Variants in KANSL1L observed in about 807,000 individuals in gnomAD.
The protein encoded by KANSL1L is KAT8 regulatory NSL complex subunit 1-like protein.
KANSL1L carries 25 observed loss-of-function variants against 108.6 expected under a neutral mutation model. The observed-to-expected ratio is 0.23, with a 90% CI of 0.17 to 0.32. The LOEUF (loss-of-function observed/expected upper bound fraction) is 0.32. Among genes scored for constraint, KANSL1L ranks in the 10% least tolerant of loss-of-function variants. The pLI, the probability that KANSL1L is intolerant of heterozygous loss-of-function variation, is 1.00. For missense variants in KANSL1L, 1,137 were observed against 1,125.7 expected (o/e 1.01, Z -0.14); for synonymous variants, 405 against 395.1 (o/e 1.03, Z -0.30).
At chr2:210,105,367 G>GAA (rs60657600) in intron 3 of KANSL1L, among the ~76,000 whole-genome samples, 6 of 140,876 alleles carry the variant, frequency 4.3e-5, no homozygotes, top group African/African-American at 8.0e-5. Context: ...ATATATATTT[G>GAA]AAAAAAAATA....
chr2:210,090,780 G>C (rs2094686382), intron 5 of KANSL1L, among the ~76,000 whole-genome samples: 1 of 152,006 alleles, frequency 6.6e-6, no homozygotes, highest in Non-Finnish European at 1.5e-5. Context: ...CCATTCTCCT[G>C]CCTTAGCCTC....
At chr2:210,097,971 A>G in intron 5 of KANSL1L, 115 bp downstream of exon 5, 2 of 672,340 alleles carry the variant, frequency 3.0e-6, no homozygotes, top group Non-Finnish European at 4.8e-6. Flanking sequence ...GTACTCTAGT[A>G]GCCCCTAATG....
At chr2:210,104,081 T>G in intron 4 of KANSL1L, 23 bp downstream of exon 4, 6 of 1,564,354 alleles carry the variant, frequency 3.8e-6, no homozygotes, top group Non-Finnish European at 5.3e-6. Flanking sequence ...TTCATACCAC[T>G]GATATCCTTA....
Position 210,022,226 on chromosome 2 carries a change from G to A in KANSL1L, c.*723C>T, listed in dbSNP as rs2093870269. The A allele has an allele frequency of 1.3e-5, 2 of 152,046 alleles. No homozygotes were observed. The highest frequency in any genetic ancestry group is 1.3e-4 in the Admixed American group (2 of 15,252). 9.4% of individuals were successfully genotyped at this position (152,046 alleles called of 1,614,324 possible). On this transcript the variant is annotated 3_prime_UTR_variant, in exon 15 of 15. Transcript: ENST00000281772. ...CCTGTGTTTAGTCCCAAAGATAGCA[G>A]TGATTTTGAATAAAGGAGTTTTGTG...
chr2:210,093,652 A>T (rs965707545), intron 5 of KANSL1L, among the ~76,000 whole-genome samples: 1 of 152,194 alleles, frequency 6.6e-6, no homozygotes, highest in Admixed American at 6.5e-5. Context: ...TTGGCAATTA[A>T]TATTTGCTAA....
chr2:210,133,994 C>G (rs529154783), intron 2 of KANSL1L, among the ~76,000 whole-genome samples: 1 of 152,114 alleles, frequency 6.6e-6, no homozygotes, highest in African/African-American at 2.4e-5. Flanking sequence ...TTTTGCTTAT[C>G]TGGAAATGTC....
intron 1 of KANSL1L, among the ~76,000 whole-genome samples, chr2:210,164,523 T>C (rs1279458985): frequency 6.6e-6 from 1 of 152,182 alleles, no homozygotes; most frequent in Non-Finnish European, 1.5e-5. Context: ...ACCACCATCA[T>C]CTTTGATGAT....
intron 2 of KANSL1L, chr2:210,152,549 T>C (rs1010852674): frequency 3.3e-5 from 5 of 152,222 alleles, no homozygotes; most frequent in African/African-American, 1.2e-4. Flanking sequence ...CTCAAGTACA[T>C]GCCCCAAAAG....
At chr2:210,149,914 A>C (rs1190550764) in intron 2 of KANSL1L, among the ~76,000 whole-genome samples, 2 of 151,850 alleles carry the variant, frequency 1.3e-5, no homozygotes, top group South Asian at 2.1e-4. Flanking sequence ...AAAAAAAAAA[A>C]CCAAAACAAT....
chr2:210,034,458 A>G (rs949847375), intron 8 of KANSL1L, among the ~76,000 whole-genome samples: 1 of 152,178 alleles, frequency 6.6e-6, no homozygotes, highest in African/African-American at 2.4e-5. Context: ...GTAAGGAAGC[A>G]TGGTGAGAAA....
intron 2 of KANSL1L, among the ~76,000 whole-genome samples, chr2:210,149,269 A>G (rs4673499): frequency 0.93 from 142,156 of 152,170 alleles, 67,167 homozygotes; most frequent in East Asian, 1. Context: ...CTCAACAAAT[A>G]CCAAGCAATC....
At chr2:210,106,048 A>G (rs1019507945) in intron 3 of KANSL1L, among the ~76,000 whole-genome samples, 2 of 152,248 alleles carry the variant, frequency 1.3e-5, no homozygotes, top group African/African-American at 4.8e-5. Flanking sequence ...GAAATCTAAG[A>G]GAGAAACCAT....
chr2:210,055,344 G>A (rs1014753830), intron 6 of KANSL1L, among the ~76,000 whole-genome samples: 5 of 152,166 alleles, frequency 3.3e-5, no homozygotes, highest in Admixed American at 2.0e-4. Flanking sequence ...GTGTGAGAAC[G>A]GACTAACACA....
chr2:210,066,484 A>G (rs1488093529), intron 6 of KANSL1L, among the ~76,000 whole-genome samples: 1 of 152,266 alleles, frequency 6.6e-6, no homozygotes, highest in Admixed American at 6.5e-5. Context: ...TGGCAAAGAT[A>G]TACAGCATAA....
intron 1 of KANSL1L, among the ~76,000 whole-genome samples, chr2:210,157,844 C>T (rs2095342120): frequency 6.6e-6 from 1 of 151,582 alleles, no homozygotes. Context: ...AATCCAGGCT[C>T]TGCAAAAAAA....
At position 210,153,736 on chromosome 2, in the gene KANSL1L, C is replaced by T; in HGVS notation, c.847G>A (p.Gly283Ser). The change falls in exon 2 of 15, where the codon GGT becomes AGT. Residue 283 changes from glycine to serine, a missense_variant. Coordinates refer to ENST00000281772, the MANE Select transcript of KANSL1L (RefSeq NM_152519.4). ...TCAGTGCATTTAGGTAAACTATTAC[C>T]CAAAATTGTGGTAGGTTCATGAAAT... ...KTFHEPTTIL[G>S]NSLPKCTEIK... 1 of 1,605,692 alleles carries T rather than the reference C, an allele frequency of 6.2e-7. No homozygotes were observed. The highest frequency in any genetic ancestry group is 8.5e-7 in the Non-Finnish European group (1 of 1,177,140).
chr2:210,087,609 T>A (rs1011592494), intron 5 of KANSL1L, among the ~76,000 whole-genome samples: 1 of 152,190 alleles, frequency 6.6e-6, no homozygotes, highest in African/African-American at 2.4e-5. Flanking sequence ...TATTAATTCA[T>A]GCCCATGATG....
intron 2 of KANSL1L, among the ~76,000 whole-genome samples, chr2:210,141,091 T>A (rs980910438): frequency 1.1e-4 from 16 of 152,028 alleles, no homozygotes; most frequent in African/African-American, 3.4e-4. Context: ...GATACTTTTT[T>A]AAAATTTCTT....
chr2:210,029,002 C>T, intron 10 of KANSL1L, 33 bp from the exon 11 acceptor site: 1 of 1,576,402 alleles, frequency 6.3e-7, no homozygotes, highest in Non-Finnish European at 8.6e-7. Context: ...ATTTACAGTA[C>T]TGTCTAGTTA....
Sources: gnomAD v4.1 joint callset for allele counts (sites outside exome capture counted in the v4.1 genomes callset) on GRCh38, gnomAD v4.1.1 for gene constraint, MANE v1.5 for transcripts, NCBI Gene and HGNC (gene_info 2026-07-23, HGNC 2026-07-21) for gene names.